Variants in ZNF469 observed in about 807,000 individuals in gnomAD.
The protein encoded by ZNF469 is zinc finger protein 469.
In ZNF469, 1 loss-of-function variant was observed where a neutral mutation model predicts 1.0. The ratio of observed to expected loss-of-function variants is 1.00; its 90% CI spans 0.35 to 4.73. The LOEUF (loss-of-function observed/expected upper bound fraction) is 4.73, where lower values mean the gene tolerates loss of function less well. ZNF469 is among the 30% of genes most tolerant of loss of function. The pLI is 0.16. For missense variants in ZNF469, 6,100 were observed against 5,356.3 expected, an observed-to-expected ratio of 1.14 and a Z score of -4.33; for synonymous variants, 2,703 against 2,363.4, an observed-to-expected ratio of 1.14 and a Z score of -4.17.
At chr16:88,300,940 C>G in the ZNF469 span, among the ~76,000 whole-genome samples, 1 of 152,052 alleles carries the variant, frequency 6.6e-6, no homozygotes, top group African/African-American at 2.4e-5. Context: ...GGGCAGGTGC[C>G]TGTAATCCCA....
At chr16:88,425,636 G>A (rs1354728059) in intron 2 of ZNF469, among the ~76,000 whole-genome samples, 2 of 152,242 alleles carry the variant, frequency 1.3e-5, no homozygotes, top group African/African-American at 2.4e-5. Context: ...GCCACCGTGA[G>A]CACAAGGGAG....
chr16:88,281,849 A>G, the ZNF469 span, among the ~76,000 whole-genome samples: 2 of 152,124 alleles, frequency 1.3e-5, no homozygotes, highest in East Asian at 1.9e-4. Context: ...ACGCTTGGTC[A>G]GTACTGTGCT....
the ZNF469 span, among the ~76,000 whole-genome samples, chr16:88,264,337 G>A: frequency 1.3e-5 from 2 of 151,912 alleles, no homozygotes; most frequent in Middle Eastern, 3.2e-3. Flanking sequence ...CTGGGGCCGG[G>A]GCAGGCCAGC....
the ZNF469 span, among the ~76,000 whole-genome samples, chr16:88,168,270 A>G: frequency 6.6e-6 from 1 of 152,316 alleles, no homozygotes; most frequent in Non-Finnish European, 1.5e-5. The surrounding 1 kb of genome is among the most constrained non-coding windows in gnomAD (Gnocchi z 4.3). Flanking sequence ...AACTTGGCCG[A>G]ACATTTTCTA....
the ZNF469 span, among the ~76,000 whole-genome samples, chr16:88,113,452 A>G: frequency 2.6e-4 from 40 of 152,246 alleles, no homozygotes; most frequent in Non-Finnish European, 4.9e-4. Context: ...GTGAGTTGCC[A>G]TGGCTTCTGG....
chr16:88,366,779 C>T, the ZNF469 span, among the ~76,000 whole-genome samples: 7 of 151,768 alleles, frequency 4.6e-5, no homozygotes, highest in African/African-American at 9.7e-5. Context: ...CCATCGCCAC[C>T]GTCACCATCA....
At chr16:88,178,734 G>A in the ZNF469 span, 1 of 152,222 alleles carries the variant, frequency 6.6e-6, no homozygotes, top group African/African-American at 2.4e-5. Context: ...TTCTTGAAGA[G>A]GAGACACAAC....
At chr16:88,176,176 T>C in the ZNF469 span, among the ~76,000 whole-genome samples, 11 of 150,772 alleles carry the variant, frequency 7.3e-5, no homozygotes, top group Admixed American at 2.0e-4. Flanking sequence ...ATGCTTCCAT[T>C]AGATGGGGAT....
At chr16:88,116,830 G>GT in the ZNF469 span, among the ~76,000 whole-genome samples, 3 of 152,286 alleles carry the variant, frequency 2.0e-5, no homozygotes, top group South Asian at 6.2e-4. Flanking sequence ...GGTCGGGGGA[G>GT]TAGGGGCCGC....
At chr16:88,204,452 C>T in the ZNF469 span, among the ~76,000 whole-genome samples, 1 of 152,370 alleles carries the variant, frequency 6.6e-6, no homozygotes, top group East Asian at 1.9e-4. Context: ...CTGTTTCCCA[C>T]TTCTTTCAGG....
At chr16:88,275,491 C>T in the ZNF469 span, among the ~76,000 whole-genome samples, 2 of 152,230 alleles carry the variant, frequency 1.3e-5, no homozygotes, top group Non-Finnish European at 2.9e-5. Context: ...GCCACAGCTC[C>T]TGCCGCCACC....
chr16:88,120,863 C>T, the ZNF469 span, among the ~76,000 whole-genome samples: 1,591 of 152,272 alleles, frequency 0.01, 30 homozygotes, highest in African/African-American at 0.036. Flanking sequence ...CGGCTGGCTG[C>T]GTCCACTGGA....
Position 88,430,110 on chromosome 16 carries a change from C to T in ZNF469, c.2640C>T (p.Ser880=). ...DEEPSGPRGP[S]SGHPLKSKAG... is the part of the protein sequence containing the mutation. ...AGCCTTCCGGCCCCAGAGGTCCCAGCTCCGGACACCCCCTTAAGAGCAAGG... is the reference window on the plus strand; with the variant it reads ...AGCCTTCCGGCCCCAGAGGTCCCAGTTCCGGACACCCCCTTAAGAGCAAGG... The change falls in exon 3 of 3, where the codon AGC becomes AGT. Residue 880 remains serine, a synonymous_variant. Coordinates refer to ENST00000565624, the MANE Select transcript of ZNF469 (RefSeq NM_001367624.2). 6.5e-7 allele frequency: 1 copy of T among 1,542,394 alleles called. No homozygotes were observed. The highest frequency in any genetic ancestry group is 8.7e-7 in the Non-Finnish European group (1 of 1,146,922).
chr16:88,102,766 G>A, the ZNF469 span, among the ~76,000 whole-genome samples: 2 of 152,238 alleles, frequency 1.3e-5, no homozygotes, highest in African/African-American at 2.4e-5. Flanking sequence ...GTAGGTGGGG[G>A]TGGTGGGTCA....
chr16:88,347,258 C>G, the ZNF469 span, among the ~76,000 whole-genome samples: 2 of 152,166 alleles, frequency 1.3e-5, no homozygotes, highest in Admixed American at 6.5e-5. Context: ...ATTCGATCCC[C>G]CAAAAGACGT....
At chr16:88,221,735 C>T in the ZNF469 span, among the ~76,000 whole-genome samples, 5 of 152,326 alleles carry the variant, frequency 3.3e-5, no homozygotes, top group Admixed American at 3.3e-4. Flanking sequence ...GGCCAGGAGT[C>T]CTAAGGCATC....
At chr16:88,181,723 A>G in the ZNF469 span, among the ~76,000 whole-genome samples, 1 of 152,258 alleles carries the variant, frequency 6.6e-6, no homozygotes, top group Non-Finnish European at 1.5e-5. Context: ...CCAATCAGTA[A>G]TCTAAGCTTC....
chr16:88,265,961 C>T, the ZNF469 span, among the ~76,000 whole-genome samples: 2 of 152,172 alleles, frequency 1.3e-5, no homozygotes, highest in Admixed American at 6.5e-5. Flanking sequence ...TGGGATTGGC[C>T]CAAATTTGCA....
the ZNF469 span, among the ~76,000 whole-genome samples, chr16:88,170,424 T>C: frequency 6.6e-6 from 1 of 152,222 alleles, no homozygotes; most frequent in African/African-American, 2.4e-5. This position sits in a 1 kb window ranked among gnomAD's most constrained non-coding sequence, Gnocchi z 4.2. Flanking sequence ...CACTCTTTGA[T>C]GGACACCTCC....
Sources: allele counts gnomAD v4.1 joint callset (sites outside exome capture counted in the v4.1 genomes callset), GRCh38; gene constraint gnomAD v4.1.1; non-coding constraint Gnocchi (gnomAD v3.1); transcripts MANE v1.5; gene names NCBI Gene and HGNC (gene_info 2026-07-23, HGNC 2026-07-21).